Variants in KCNK9 observed in about 807,000 individuals in gnomAD.
KCNK9 encodes potassium channel subfamily K member 9.
In KCNK9, 1 loss-of-function variant was observed where a neutral mutation model predicts 10.8. The observed-to-expected ratio is 0.09, with a 90% CI of 0.03 to 0.44. The LOEUF is 0.44. KCNK9 is among the 20% of genes least tolerant of loss of function. The probability of loss-of-function intolerance (pLI) is 0.97; values close to 1 mark genes in which losing one functional copy is unlikely to be tolerated. For synonymous variants in KCNK9, 231 were observed against 222.7 expected (o/e 1.04, Z -0.33); for missense variants, 303 against 515.0 (o/e 0.59, Z 3.98).
chr8:139,680,117 G>A (rs1382372463), intron 1 of KCNK9, among the ~76,000 whole-genome samples: 1 of 152,124 alleles, frequency 6.6e-6, no homozygotes, highest in Non-Finnish European at 1.5e-5. Flanking sequence ...TGATGCCCAA[G>A]GCCAGCAAGG....
intron 1 of KCNK9, among the ~76,000 whole-genome samples, chr8:139,635,246 T>C (rs956687241): frequency 4.6e-5 from 7 of 152,220 alleles, no homozygotes; most frequent in African/African-American, 1.7e-4. Context: ...GCAGAGTAAC[T>C]GTAGGAGGTT....
At chr8:139,606,845 C>G (rs565475970) in intron 2 of KCNK9, among the ~76,000 whole-genome samples, 4 of 152,224 alleles carry the variant, frequency 2.6e-5, no homozygotes, top group Admixed American at 6.5e-5. Context: ...AATCTGTTTT[C>G]TTATTTAAAT....
chr8:139,618,996 G>C lies in KCNK9; in HGVS notation c.387C>G (p.Gly129=), dbSNP rs578106232. ...PLTLVMFQSL[G]ERMNTFVRYL... is the part of the protein sequence containing the mutation. ...AGCGCACGAAGGTGTTCATGCGCTC[G>C]CCCAGGCTCTGGAACATGACCAGTG... Residue 129 remains glycine (G), a synonymous_variant, in exon 2 of 2, where the codon GGC becomes GGG. Coordinates refer to ENST00000520439, the MANE Select transcript of KCNK9 (RefSeq NM_001282534.2). This position sits in a 1 kb window ranked among gnomAD's most constrained non-coding sequence, Gnocchi z 7.9. 3 of 1,614,070 alleles carry C rather than the reference G, an allele frequency of 1.9e-6. No homozygotes were observed. Among genetic ancestry groups the C allele is most frequent in the Non-Finnish European group, 2.5e-6 (3 of 1,180,034 alleles).
chr8:139,680,376 T>A (rs1816662522), intron 1 of KCNK9, among the ~76,000 whole-genome samples: 1 of 152,156 alleles, frequency 6.6e-6, no homozygotes, highest in African/African-American at 2.4e-5. Flanking sequence ...ACCACAGCCA[T>A]TATCCCGGGC....
chr8:139,616,789 A>C (rs1814603950), downstream of KCNK9: 1 of 152,210 alleles, frequency 6.6e-6, no homozygotes, highest in South Asian at 2.1e-4. Flanking sequence ...ATTTTTAGAA[A>C]ATGGCAGGGA....
chr8:139,615,633 A>G (rs1814566416), downstream of KCNK9, among the ~76,000 whole-genome samples: 1 of 152,166 alleles, frequency 6.6e-6, no homozygotes, highest in Admixed American at 6.5e-5. Context: ...CATCCTTCAA[A>G]GGGCTAAGCT....
Position 139,641,677 on chromosome 8 carries a change from C to T in KCNK9, c.284-22578G>A, listed in dbSNP as rs189804877. Among the ~76,000 whole-genome samples the T allele has an allele frequency of 3.3e-5, 5 of 152,210 alleles. No homozygotes were observed. The East Asian group carries it at 7.8e-4, about 24-fold the overall frequency. ...TACACACCCAATTTCCAGGATACCT[C>T]GCTGCCACCTCTTCACTGACTGCGC... On this transcript the variant is annotated intron_variant, in intron 1 of 1. Coordinates refer to ENST00000520439, the MANE Select transcript of KCNK9 (RefSeq NM_001282534.2).
chr8:139,687,356 ATACATATATATG>A, intron 1 of KCNK9, among the ~76,000 whole-genome samples: 1 of 147,188 alleles, frequency 6.8e-6, no homozygotes, highest in African/African-American at 2.5e-5. Flanking sequence ...ATATATATGT[ATACATATATATG>A]TGTATACATA....
chr8:139,605,128 C>G (rs1272508207), intron 2 of KCNK9, among the ~76,000 whole-genome samples: 1 of 152,232 alleles, frequency 6.6e-6, no homozygotes, highest in Non-Finnish European at 1.5e-5. Context: ...CACTGAGCAC[C>G]TGCTAACTGC....
chr8:139,638,581 G>T (rs948281817), intron 1 of KCNK9, among the ~76,000 whole-genome samples: 1 of 152,228 alleles, frequency 6.6e-6, no homozygotes, highest in Admixed American at 6.5e-5. Context: ...AGGACCAGAA[G>T]CAGGGAGCTT....
chr8:139,655,984 G>T, intron 1 of KCNK9, among the ~76,000 whole-genome samples: 1 of 152,174 alleles, frequency 6.6e-6, no homozygotes, highest in East Asian at 1.9e-4. Flanking sequence ...ATCAGGTAAA[G>T]TTTAAATCAG....
At chr8:139,610,637 C>T (rs1814392328), downstream of KCNK9, among the ~76,000 whole-genome samples, 2 of 152,170 alleles carry the variant, frequency 1.3e-5, no homozygotes, top group Admixed American at 1.3e-4. Flanking sequence ...GGTGAGACTC[C>T]AGGATCTATT....
At chr8:139,700,540 GCGCGCA>G (rs1817191117) in intron 1 of KCNK9, among the ~76,000 whole-genome samples, 1 of 121,188 alleles carries the variant, frequency 8.3e-6, no homozygotes, top group Non-Finnish European at 1.7e-5. Context: ...ACACACACAC[GCGCGCA>G]CACACACACA....
chr8:139,700,518 GCGCACACACA>G (rs1817186697), intron 1 of KCNK9, among the ~76,000 whole-genome samples: 1 of 135,590 alleles, frequency 7.4e-6, no homozygotes, highest in Non-Finnish European at 1.5e-5. Context: ...ACGCGCGCGC[GCGCACACACA>G]CACACACACA....
chr8:139,654,556 TC>T (rs1563737242), intron 1 of KCNK9, among the ~76,000 whole-genome samples: 1 of 152,200 alleles, frequency 6.6e-6, no homozygotes, highest in Non-Finnish European at 1.5e-5. Flanking sequence ...GCCAGGCTCT[TC>T]CCTCAGGTAG....
rs115835085 is a variant in KCNK9, at chr8:139,696,162, G to A, written c.283+6548C>T. Among the ~76,000 whole-genome samples, 919 of 152,114 alleles carry A rather than the reference G, an allele frequency of 6.0e-3. 7 individuals are homozygous for A. Among genetic ancestry groups the A allele is most frequent in the African/African-American group, 0.021 (876 of 41,496 alleles). On this transcript the variant is annotated intron_variant, in intron 1 of 1. Coordinates refer to ENST00000520439, the MANE Select transcript of KCNK9 (RefSeq NM_001282534.2). ...CCCACAAGAGATAATCTCAACATTC[G>A]TCTAAACACATCCACTACCACTTCA... is the stretch of plus-strand genomic sequence containing the variant.
intron 1 of KCNK9, among the ~76,000 whole-genome samples, chr8:139,659,906 A>G (rs534535947): frequency 6.6e-6 from 1 of 152,180 alleles, no homozygotes; most frequent in East Asian, 1.9e-4. Flanking sequence ...GATAATATAT[A>G]TTTGTGTGTA....
chr8:139,648,098 A>C (rs778161095), intron 1 of KCNK9, among the ~76,000 whole-genome samples: 1 of 152,222 alleles, frequency 6.6e-6, no homozygotes, highest in African/African-American at 2.4e-5. Flanking sequence ...AAAAGGAAAG[A>C]GGTACGGACA....
chr8:139,675,932 A>C (rs2129748180), intron 1 of KCNK9, among the ~76,000 whole-genome samples: 1 of 152,318 alleles, frequency 6.6e-6, no homozygotes, highest in Admixed American at 6.5e-5. Flanking sequence ...CATGTGACCA[A>C]GTGCTGGCCA....
Sources: gnomAD v4.1 joint callset for allele counts (sites outside exome capture counted in the v4.1 genomes callset) on GRCh38, gnomAD v4.1.1 for gene constraint, Gnocchi (gnomAD v3.1) non-coding constraint, MANE v1.5 for transcripts, NCBI Gene and HGNC (gene_info 2026-07-23, HGNC 2026-07-21) for gene names.